GPR158: variants seen among roughly 807,000 people sequenced by gnomAD.
The protein encoded by GPR158 is G protein-coupled receptor 158.
GPR158 carries 30 observed loss-of-function variants against 78.2 expected under a neutral mutation model. The ratio of observed to expected loss-of-function variants is 0.38; its 90% CI spans 0.29 to 0.52. GPR158 has a LOEUF of 0.52. Among genes scored for constraint, GPR158 ranks in the 20% least tolerant of loss-of-function variants. The pLI is 0.83. For missense variants in GPR158, 1,463 were observed against 1,523.5 expected (o/e 0.96, Z 0.66); for synonymous variants, 581 against 591.1 (o/e 0.98, Z 0.25).
At chr10:25,590,897 A>T (rs1837332277) in intron 8 of GPR158, among the ~76,000 whole-genome samples, 1 of 152,166 alleles carries the variant, frequency 6.6e-6, no homozygotes, top group African/African-American at 2.4e-5. Context: ...AATTCCTTAA[A>T]GTTTACTCTG....
At chr10:25,247,155 T>C (rs1192520496) in intron 2 of GPR158, among the ~76,000 whole-genome samples, 2 of 152,218 alleles carry the variant, frequency 1.3e-5, no homozygotes, top group Non-Finnish European at 2.9e-5. Flanking sequence ...ATTTGTACTC[T>C]GACATCCCAT....
intron 8 of GPR158, 97 bp downstream of exon 8, chr10:25,589,242 T>G: frequency 1.4e-6 from 1 of 720,790 alleles, no homozygotes; most frequent in Non-Finnish European, 2.1e-6. Flanking sequence ...TAGAAAGACT[T>G]AGCAAAGATA....
chr10:25,387,379 G>C (rs933172802), intron 2 of GPR158, among the ~76,000 whole-genome samples: 1 of 152,000 alleles, frequency 6.6e-6, no homozygotes, highest in African/African-American at 2.4e-5. Context: ...TGGTGAATTT[G>C]GTTTGAGATT....
At chr10:25,568,368 G>T (rs1588916321) in intron 6 of GPR158, among the ~76,000 whole-genome samples, 1 of 152,180 alleles carries the variant, frequency 6.6e-6, no homozygotes, top group Admixed American at 6.5e-5. Context: ...ACAGACTGAG[G>T]TAGAGAAGTC....
chr10:25,325,036 G>T (rs534178717), intron 2 of GPR158, among the ~76,000 whole-genome samples: 1 of 151,388 alleles, frequency 6.6e-6, no homozygotes, highest in African/African-American at 2.4e-5. Flanking sequence ...TGGAGATGGG[G>T]TCTTGCTATA....
chr10:25,241,290 T>TTTC lies in GPR158; in HGVS notation c.1008+20135_1008+20136insCTT, dbSNP rs1228715082. Among the ~76,000 whole-genome samples the TTTC allele has an allele frequency of 1.3e-4, 12 of 94,848 alleles. 1 individual carries two copies. The highest frequency in any genetic ancestry group is 2.2e-4 in the Admixed American group (2 of 8,892). The allele number at this position is 94,848 out of a possible 152,430, so 62.2% of individuals were successfully genotyped here. On this transcript the variant is annotated intron_variant, in intron 2 of 10. Transcript: ENST00000376351. Reference sequence around the variant, plus strand: ...TTCTTTCCTTTCTTTCTTTCTTTTCTTTTCTTTTCTTTTCTTTTCTTTTCT... The same window carrying TTTC: ...TTCTTTCCTTTCTTTCTTTCTTTTCTTTCTTTCTTTTCTTTTCTTTTCTTTTCT...
chr10:25,196,678 C>T (rs1198836420), intron 1 of GPR158, among the ~76,000 whole-genome samples: 1 of 152,230 alleles, frequency 6.6e-6, no homozygotes, highest in Non-Finnish European at 1.5e-5. Flanking sequence ...CTGCCCCACC[C>T]TGGACCTTTA....
At chr10:25,510,444 T>A (rs1836069760) in intron 5 of GPR158, among the ~76,000 whole-genome samples, 1 of 152,200 alleles carries the variant, frequency 6.6e-6, no homozygotes, top group Non-Finnish European at 1.5e-5. Context: ...CGTAAATGAG[T>A]ACAAAGGTGA....
In GPR158 at chr10:25,561,823, C is replaced by T. The variant is rs76025470; in HGVS notation, c.1514+10738C>T. 4.5e-3 allele frequency among the ~76,000 whole-genome samples: 680 copies of T among 152,100 alleles called. 1 individual carries two copies. The highest frequency in any genetic ancestry group is 0.011 in the African/African-American group (455 of 41,484). On this transcript the variant is annotated intron_variant, in intron 6 of 10. Transcript: ENST00000376351. The stretch of plus-strand genomic sequence containing the variant: ...TCCTCAGTCTTTTCTTACAGATCTA[C>T]GATTACACAATGAACTCTGATGAAT...
chr10:25,462,413 C>T (rs1184777914), intron 4 of GPR158, among the ~76,000 whole-genome samples: 1 of 152,156 alleles, frequency 6.6e-6, no homozygotes, highest in East Asian at 1.9e-4. Flanking sequence ...TTTTCATGCC[C>T]ACTAACACAG....
chr10:25,399,735 C>G (rs1050423560), intron 3 of GPR158, among the ~76,000 whole-genome samples: 1 of 152,134 alleles, frequency 6.6e-6, no homozygotes, highest in Non-Finnish European at 1.5e-5. Context: ...CTGTAACTCA[C>G]CGGGGTCATC....
At chr10:25,559,072 T>C (rs1025238409) in intron 6 of GPR158, among the ~76,000 whole-genome samples, 1 of 152,234 alleles carries the variant, frequency 6.6e-6, no homozygotes, top group Non-Finnish European at 1.5e-5. Context: ...ATTTCTGATT[T>C]GTCTATTTTC....
At chr10:25,249,059 T>A (rs1853748853) in intron 2 of GPR158, among the ~76,000 whole-genome samples, 1 of 151,894 alleles carries the variant, frequency 6.6e-6, no homozygotes, top group African/African-American at 2.4e-5. Flanking sequence ...TCCTTGGTAT[T>A]TTATTCTCTT....
At chr10:25,208,812 G>C (rs1276409683) in intron 1 of GPR158, among the ~76,000 whole-genome samples, 1 of 151,708 alleles carries the variant, frequency 6.6e-6, no homozygotes, top group African/African-American at 2.4e-5. Flanking sequence ...GTACAGGAGA[G>C]CAGGTCACTT....
intron 2 of GPR158, among the ~76,000 whole-genome samples, chr10:25,252,849 G>C (rs28782274): frequency 2.6e-5 from 4 of 152,046 alleles, no homozygotes; most frequent in African/African-American, 4.8e-5. Context: ...CACCCAGTTC[G>C]AGCTTCCTGG....
intron 2 of GPR158, among the ~76,000 whole-genome samples, chr10:25,265,112 G>C (rs891843873): frequency 8.6e-5 from 13 of 152,046 alleles, no homozygotes; most frequent in African/African-American, 3.1e-4. Flanking sequence ...CTTTCTTAAT[G>C]TGTTAGACTT....
intron 2 of GPR158, among the ~76,000 whole-genome samples, chr10:25,267,494 A>G (rs1190576822): frequency 6.6e-6 from 1 of 152,182 alleles, no homozygotes; most frequent in African/African-American, 2.4e-5. Context: ...GGGAACTACA[A>G]TTCAAGATGA....
intron 2 of GPR158, among the ~76,000 whole-genome samples, chr10:25,317,496 C>CA (rs144476370): frequency 0.019 from 2,778 of 148,806 alleles, 74 homozygotes; most frequent in African/African-American, 0.065. Context: ...TTTCTGAGTT[C>CA]AAAAAAAAAA....
chr10:25,472,584 C>T (rs12768816), intron 5 of GPR158, among the ~76,000 whole-genome samples: 22,116 of 152,238 alleles, frequency 0.15, 1,779 homozygotes, highest in East Asian at 0.19. Flanking sequence ...ATTGACTCTT[C>T]CTACCCATGA....
Sources: gnomAD v4.1 joint callset for allele counts (sites outside exome capture counted in the v4.1 genomes callset) on GRCh38, gnomAD v4.1.1 for gene constraint, MANE v1.5 for transcripts, NCBI Gene and HGNC (gene_info 2026-07-23, HGNC 2026-07-21) for gene names.